Variants in FAM98A observed in about 807,000 individuals in gnomAD.
FAM98A encodes the protein protein FAM98A.
Under a neutral mutation model 62.9 loss-of-function variants are expected in FAM98A, and 25 were observed. That is an observed-to-expected ratio of 0.40 (90% CI 0.29 to 0.56). The LOEUF (loss-of-function observed/expected upper bound fraction) is 0.56. FAM98A is among the 20% of genes least tolerant of loss of function. The pLI is 0.51. For missense variants in FAM98A, 653 were observed against 640.7 expected, an observed-to-expected ratio of 1.02 and a Z score of -0.21; for synonymous variants, 252 against 228.6, an observed-to-expected ratio of 1.10 and a Z score of -0.92.
chr2:33,591,338 T>C (rs1677667507), intron 3 of FAM98A, among the ~76,000 whole-genome samples: 1 of 152,190 alleles, frequency 6.6e-6, no homozygotes, highest in South Asian at 2.1e-4. Flanking sequence ...TAACCAAAGC[T>C]TAATGTAAAT....
rs746902133 is a variant in FAM98A, at chr2:33,588,432, A to G, written c.425T>C (p.Val142Ala). Reference sequence around the variant, plus strand: ...ACATATGCCTTTCAACTCTTGAAAGACCTCACTACCGCCTCCTTCTTGAGC... The same window carrying G: ...ACATATGCCTTTCAACTCTTGAAAGGCCTCACTACCGCCTCCTTCTTGAGC... The part of the protein sequence containing the change: ...KKAQEGGGSE[V>A]FQELKGICIA... The change falls in exon 4 of 8, where the codon GTC (valine) becomes GCC (alanine). Residue 142 changes from valine (V) to alanine (A), a missense_variant. Physicochemically the swap from Val to Ala is moderately conservative, Grantham distance 64 (BLOSUM62 0). Transcript: ENST00000238823. The G allele has an allele frequency of 1.2e-5, 20 of 1,613,192 alleles. No homozygotes were observed. The South Asian group carries it at 2.2e-4, about 18-fold the overall frequency.
intron 5 of FAM98A, chr2:33,586,952 T>C: frequency 1.9e-6 from 1 of 518,070 alleles, no homozygotes; most frequent in South Asian, 3.1e-5. Context: ...AGTTTTTGGC[T>C]TGAAGGCAAT....
Position 33,583,821 on chromosome 2 carries a change from G to A in FAM98A, c.*955C>T, listed in dbSNP as rs1367223195. 1.3e-5 allele frequency: 2 copies of A among 152,574 alleles called. No homozygotes were observed. Among genetic ancestry groups the A allele is most frequent in the Non-Finnish European group, 2.9e-5 (2 of 68,040 alleles). The allele number at this position is 152,574 out of a possible 1,614,324, so 9.5% of individuals were successfully genotyped here. A position where few individuals can be genotyped will look rare whatever the true frequency, so the allele number is the denominator to read the frequency against. The stretch of plus-strand genomic sequence containing the variant: ...GAATGTAAAACATCAACTCAGCCAG[G>A]CTTTTGTTTTCTGCAGCAATAATAA... On this transcript the variant is annotated 3_prime_UTR_variant, in exon 8 of 8. Coordinates refer to ENST00000238823, the MANE Select transcript of FAM98A (RefSeq NM_015475.5).
chr2:33,590,693 GA>G (rs1677653599), intron 3 of FAM98A, among the ~76,000 whole-genome samples: 1 of 152,174 alleles, frequency 6.6e-6, no homozygotes, highest in African/African-American at 2.4e-5. Flanking sequence ...CATTTGAGGT[GA>G]TGATAGCAGA....
At chr2:33,588,557 G>A in intron 3 of FAM98A, 38 bp from the exon 4 acceptor site, 1 of 1,555,510 alleles carries the variant, frequency 6.4e-7, no homozygotes. Flanking sequence ...ATGAGATACA[G>A]CTATAGTTAT....
chr2:33,589,433 A>G (rs148763799), intron 3 of FAM98A: 1 of 152,332 alleles, frequency 6.6e-6, no homozygotes, highest in Admixed American at 6.5e-5. Flanking sequence ...TTCTGACAAT[A>G]TAACAAAACC....
At chr2:33,585,816 T>C (rs1222081754) in intron 6 of FAM98A, 119 bp from the exon 7 acceptor site, 4 of 915,886 alleles carry the variant, frequency 4.4e-6, no homozygotes, top group East Asian at 2.5e-5. Context: ...AGGCTCTAGA[T>C]GGTAGGAAAA....
At chr2:33,592,487 T>A (rs1166704618) in intron 2 of FAM98A, among the ~76,000 whole-genome samples, 2 of 152,108 alleles carry the variant, frequency 1.3e-5, no homozygotes, top group African/African-American at 2.4e-5. Context: ...TGTTTAAGTC[T>A]CCGGAATAGC....
intron 1 of FAM98A, among the ~76,000 whole-genome samples, chr2:33,598,901 G>A (rs1020546840): frequency 1.3e-5 from 2 of 152,150 alleles, no homozygotes; most frequent in African/African-American, 4.8e-5. Flanking sequence ...TCAGAGCCCA[G>A]ACAATGACAC....
At chr2:33,588,111 C>G in intron 4 of FAM98A, 1 of 541,540 alleles carries the variant, frequency 1.8e-6, no homozygotes, top group Non-Finnish European at 3.4e-6. Flanking sequence ...GTAAAGTTTC[C>G]TTTTTGAAAA....
At chr2:33,591,439 C>CT (rs548612103) in intron 3 of FAM98A, among the ~76,000 whole-genome samples, 22 of 152,036 alleles carry the variant, frequency 1.4e-4, no homozygotes, top group Non-Finnish European at 3.1e-4. Flanking sequence ...TTTGAATCTA[C>CT]TTACTGTTTT....
chr2:33,599,033 G>C (rs1677891634), intron 1 of FAM98A, 136 bp downstream of exon 1: 2 of 760,174 alleles, frequency 2.6e-6, no homozygotes, highest in African/African-American at 1.7e-5. Context: ...TGGGGGTGCC[G>C]GGGCCAAAGG....
intron 5 of FAM98A, chr2:33,586,975 G>A (rs572586885): frequency 2.2e-4 from 115 of 517,852 alleles, no homozygotes; most frequent in Middle Eastern, 5.0e-4. Context: ...ATTTGGCAAC[G>A]AGAAACATGC....
intron 5 of FAM98A, chr2:33,586,982 A>G: frequency 1.9e-6 from 1 of 525,748 alleles, no homozygotes; most frequent in Non-Finnish European, 3.3e-6. Flanking sequence ...AACGAGAAAC[A>G]TGCACCATAC....
At chr2:33,591,520 C>A (rs1472095608) in intron 3 of FAM98A, among the ~76,000 whole-genome samples, 2 of 152,130 alleles carry the variant, frequency 1.3e-5, no homozygotes, top group African/African-American at 4.8e-5. Flanking sequence ...CATAAAAACT[C>A]ATTTCTCAGA....
rs750457166 is a variant in FAM98A at position 33,584,919 on chromosome 2, C to T, written c.1414G>A (p.Gly472Ser). The change falls in exon 8 of 8, where the codon GGT (glycine) becomes AGT (serine). Residue 472 changes from glycine to serine, a missense_variant. Gly to Ser is a moderately conservative substitution (Grantham distance 56). Coordinates refer to ENST00000238823, the MANE Select transcript of FAM98A (RefSeq NM_015475.5). ...GGRGGRGGRG[G>S]RAGQGGGWGG... ...CAGCCTCCTCCCTGGCCTGCACGACCACCTCGGCCTCCACGACCACCTCGC... is the reference window on the plus strand; with the variant it reads ...CAGCCTCCTCCCTGGCCTGCACGACTACCTCGGCCTCCACGACCACCTCGC... The T allele has an allele frequency of 1.1e-5, 18 of 1,613,730 alleles. No individual in the cohort carries two copies. In the South Asian group the frequency reaches 1.6e-4, roughly 15 times the overall value.
chr2:33,596,341 A>G (rs1473267236), intron 1 of FAM98A, among the ~76,000 whole-genome samples: 1 of 152,194 alleles, frequency 6.6e-6, no homozygotes, highest in Non-Finnish European at 1.5e-5. Flanking sequence ...GTTAATAAAT[A>G]TTGGCAGTTA....
intron 1 of FAM98A, among the ~76,000 whole-genome samples, chr2:33,598,821 T>C (rs1251866536): frequency 6.6e-6 from 1 of 151,164 alleles, no homozygotes; most frequent in Non-Finnish European, 1.5e-5. Context: ...ACCTTTAGAG[T>C]TGAGGGGTTA....
chr2:33,592,159 C>G lies in FAM98A; in HGVS notation c.258G>C (p.Met86Ile). 6.2e-7 allele frequency: 1 copy of G among 1,613,372 alleles called. No individual in the cohort carries two copies. The highest frequency in any genetic ancestry group is 8.5e-7 in the Non-Finnish European group (1 of 1,179,386). The change falls in exon 3 of 8, where the codon ATG (methionine) becomes ATC (isoleucine). Residue 86 changes from methionine (M) to isoleucine (I), a missense_variant. Coordinates refer to ENST00000238823, the MANE Select transcript of FAM98A (RefSeq NM_015475.5). ...ATGTCAGTGAAAGATACGGGCAGTTCATCTCCCCTAGTAGCCCACTCACCT... is the reference window on the plus strand; with the variant it reads ...ATGTCAGTGAAAGATACGGGCAGTTGATCTCCCCTAGTAGCCCACTCACCT... ...QLEVSGLLGE[M>I]NCPYLSLTSG... is the part of the protein sequence containing the mutation.
Sources: allele counts gnomAD v4.1 joint callset (sites outside exome capture counted in the v4.1 genomes callset), GRCh38; gene constraint gnomAD v4.1.1; transcripts MANE v1.5; gene names NCBI Gene and HGNC (gene_info 2026-07-23, HGNC 2026-07-21).